Variants in STK3 observed in about 807,000 individuals in gnomAD.
STK3 encodes the protein serine/threonine kinase 3.
Under a neutral mutation model 58.0 loss-of-function variants are expected in STK3, and 41 were observed. That is an observed-to-expected ratio of 0.71 (90% CI 0.55 to 0.92). The LOEUF (loss-of-function observed/expected upper bound fraction) is 0.92. Among genes scored for constraint, STK3 ranks in the 40% least tolerant of loss-of-function variants. The probability of loss-of-function intolerance (pLI) is 0.00; values close to 1 mark genes in which losing one functional copy is unlikely to be tolerated. For synonymous variants in STK3, 170 were observed against 191.0 expected, an observed-to-expected ratio of 0.89 and a Z score of 0.91; for missense variants, 479 against 602.7, an observed-to-expected ratio of 0.79 and a Z score of 2.15.
chr8:98,633,533 A>G, intron 6 of STK3: 1 of 703,792 alleles, frequency 1.4e-6, no homozygotes. Flanking sequence ...AGTGCAAGTA[A>G]CAGAGAATCA....
At chr8:98,792,197 T>C (rs1316112533) in intron 1 of STK3, among the ~76,000 whole-genome samples, 1 of 151,890 alleles carries the variant, frequency 6.6e-6, no homozygotes, top group East Asian at 1.9e-4. Context: ...CCAACAAACA[T>C]AGGAAAAAAT....
intron 1 of STK3, among the ~76,000 whole-genome samples, chr8:98,446,872 T>C (rs544204919): frequency 2.0e-5 from 3 of 151,866 alleles, no homozygotes; most frequent in Admixed American, 2.0e-4. Context: ...ACAAAGAAAA[T>C]ACAGTATATA....
At chr8:98,378,521 A>G (rs1468346658) in intron 2 of STK3, among the ~76,000 whole-genome samples, 5 of 152,180 alleles carry the variant, frequency 3.3e-5, no homozygotes, top group Admixed American at 3.3e-4. Flanking sequence ...TGATTTCCTC[A>G]TCTCTAGGAT....
In STK3 at chr8:98,707,199, T is replaced by C. The variant is rs1193626574; in HGVS notation, c.464A>G (p.Asn155Ser). The C allele has an allele frequency of 1.2e-6, 2 of 1,612,720 alleles. No homozygotes were observed. The highest frequency in any genetic ancestry group is 1.7e-6 in the Non-Finnish European group (2 of 1,179,612). The change falls in exon 5 of 11, where the codon AAT becomes AGT. Residue 155 changes from asparagine (N) to serine (S), a missense_variant. Around this residue, in one of 3 missense-constraint regions of STK3, gnomAD observed 126 missense variants for 210.1 expected, o/e 0.60. Transcript: ENST00000419617. ...TGCCAATTTTGCATGTCCTTCTGTA[T>C]TGAGGAGAATATTTCCAGCTTTTAT... ...RDIKAGNILL[N>S]TEGHAKLADF...
chr8:98,467,851 G>A (rs1436964778), intron 10 of STK3, among the ~76,000 whole-genome samples: 1 of 152,140 alleles, frequency 6.6e-6, no homozygotes, highest in Non-Finnish European at 1.5e-5. Context: ...TGTGCTGGAA[G>A]AGCATCATTC....
intron 6 of STK3, among the ~76,000 whole-genome samples, chr8:98,680,498 A>C (rs1220164832): frequency 6.6e-6 from 1 of 152,234 alleles, no homozygotes; most frequent in Non-Finnish European, 1.5e-5. Flanking sequence ...ACCCAATGCC[A>C]GTCTCTACCA....
At chr8:98,513,730 A>G (rs1824707733) in intron 10 of STK3, among the ~76,000 whole-genome samples, 1 of 152,154 alleles carries the variant, frequency 6.6e-6, no homozygotes, top group Admixed American at 6.6e-5. Flanking sequence ...CTATCTACCC[A>G]CTAATTCTCT....
intron 6 of STK3, among the ~76,000 whole-genome samples, chr8:98,677,229 A>T (rs1428175939): frequency 1.3e-5 from 2 of 151,844 alleles, no homozygotes; most frequent in African/African-American, 4.8e-5. Flanking sequence ...TTACATCTTT[A>T]ATCCTCTCCT....
downstream of STK3, among the ~76,000 whole-genome samples, chr8:98,453,119 G>A (rs369186026): frequency 7.1e-5 from 5 of 70,124 alleles, 2 homozygotes; most frequent in East Asian, 9.2e-4. Flanking sequence ...ACAGAGTCTC[G>A]CTCTGTCACC....
At chr8:98,903,737 T>C (rs913909075) in intron 1 of STK3, among the ~76,000 whole-genome samples, 1 of 152,190 alleles carries the variant, frequency 6.6e-6, no homozygotes, top group Non-Finnish European at 1.5e-5. Context: ...GTATGGAAAC[T>C]AATGTTGCAT....
chr8:98,655,279 G>C (rs1042546617), intron 6 of STK3, among the ~76,000 whole-genome samples: 4 of 152,004 alleles, frequency 2.6e-5, no homozygotes, highest in East Asian at 1.9e-4. Flanking sequence ...ACTGGCTAGC[G>C]ACATGTAGAA....
chr8:98,601,700 A>T (rs372992446), intron 6 of STK3: 2 of 152,234 alleles, frequency 1.3e-5, no homozygotes, highest in African/African-American at 4.8e-5. Context: ...GTATGGGAAG[A>T]TGAGATTTCA....
chr8:98,864,055 C>T (rs1384715788), intron 3 of STK3, among the ~76,000 whole-genome samples: 1 of 151,728 alleles, frequency 6.6e-6, no homozygotes, highest in Non-Finnish European at 1.5e-5. Flanking sequence ...AAAAATTAGC[C>T]GGGTGTGGTG....
chr8:98,633,922 A>G (rs919703600), intron 6 of STK3: 9 of 264,418 alleles, frequency 3.4e-5, no homozygotes, highest in Non-Finnish European at 6.2e-5. Flanking sequence ...TAGCTGTACA[A>G]CTAGCTAGAA....
At chr8:98,550,632 G>A (rs1309907433) in intron 8 of STK3, among the ~76,000 whole-genome samples, 2 of 151,916 alleles carry the variant, frequency 1.3e-5, no homozygotes, top group Non-Finnish European at 2.9e-5. Flanking sequence ...CATTCCCACT[G>A]CTACTGGGTA....
intron 1 of STK3, among the ~76,000 whole-genome samples, chr8:98,901,806 G>A (rs118058578): frequency 1.3e-5 from 2 of 152,220 alleles, no homozygotes; most frequent in African/African-American, 4.8e-5. Flanking sequence ...CTTCAAAGTA[G>A]AGCTGATCCC....
chr8:98,836,630 A>G (rs1835758115), intron 3 of STK3, among the ~76,000 whole-genome samples: 2 of 152,220 alleles, frequency 1.3e-5, no homozygotes, highest in African/African-American at 4.8e-5. Context: ...CTGTTCAAAT[A>G]ACTGTGGTCT....
chr8:98,395,168 A>G (rs1563591637), intron 3 of STK3, among the ~76,000 whole-genome samples: 1 of 152,160 alleles, frequency 6.6e-6, no homozygotes, highest in Non-Finnish European at 1.5e-5. Context: ...GGATCTTGGC[A>G]TTGCTTGTTA....
chr8:98,485,528 TAAAG>T (rs1474127594), intron 10 of STK3, among the ~76,000 whole-genome samples: 1 of 152,108 alleles, frequency 6.6e-6, no homozygotes, highest in Non-Finnish European at 1.5e-5. Context: ...AGCACACAGA[TAAAG>T]AAATTAATTA....
Sources: gnomAD v4.1 joint callset for allele counts (sites outside exome capture counted in the v4.1 genomes callset) on GRCh38, gnomAD v4.1.1 for gene constraint, gnomAD v4.1.1 regional missense constraint, MANE v1.5 for transcripts, NCBI Gene and HGNC (gene_info 2026-07-23, HGNC 2026-07-21) for gene names.